Variants in GCSAML observed in about 807,000 individuals in gnomAD.
The protein encoded by GCSAML is germinal center-associated signaling and motility-like protein.
Under a neutral mutation model 13.0 loss-of-function variants are expected in GCSAML, and 9 were observed. That is an observed-to-expected ratio of 0.69 (90% CI 0.42 to 1.21). The LOEUF (loss-of-function observed/expected upper bound fraction) is 1.21. GCSAML is among the 50% of genes most tolerant of loss of function. The pLI is 0.00. For missense variants in GCSAML, 143 were observed against 153.4 expected, an observed-to-expected ratio of 0.93 and a Z score of 0.36; for synonymous variants, 37 against 52.9, an observed-to-expected ratio of 0.70 and a Z score of 1.31.
intron 1 of GCSAML, among the ~76,000 whole-genome samples, chr1:247,550,192 A>C (rs1408141389): frequency 6.6e-6 from 1 of 152,218 alleles, no homozygotes; most frequent in East Asian, 1.9e-4. Flanking sequence ...ACCTACAGTC[A>C]AACAAAGTAG....
At chr1:247,568,064 C>G (rs1328581770) in intron 4 of GCSAML, among the ~76,000 whole-genome samples, 2 of 151,932 alleles carry the variant, frequency 1.3e-5, no homozygotes, top group East Asian at 3.9e-4. Context: ...TTTGTAGATT[C>G]TGGATATTAG....
At chr1:247,573,847 T>C (rs1245611167) in intron 4 of GCSAML, among the ~76,000 whole-genome samples, 1 of 152,240 alleles carries the variant, frequency 6.6e-6, no homozygotes, top group Non-Finnish European at 1.5e-5. Flanking sequence ...CATTTGTTTG[T>C]TTCCTCTCTT....
intron 1 of GCSAML, among the ~76,000 whole-genome samples, chr1:247,512,830 C>T (rs1666086841): frequency 6.6e-6 from 1 of 152,152 alleles, no homozygotes; most frequent in Non-Finnish European, 1.5e-5. Context: ...GCCTGGTTAT[C>T]ACCAGCAGAG....
intron 2 of GCSAML, chr1:247,538,652 CTCTT>C (rs765290074): frequency 4.6e-6 from 2 of 435,494 alleles, no homozygotes; most frequent in South Asian, 3.3e-5. Flanking sequence ...CTACCCCAGT[CTCTT>C]TCTTTCCACA....
Position 247,567,350 on chromosome 1 carries a change from C to T in GCSAML, c.168+1391C>T, listed in dbSNP as rs535380392. Among the ~76,000 whole-genome samples, 73 of 151,988 alleles carry T rather than the reference C, an allele frequency of 4.8e-4. 1 individual carries two copies. The highest frequency in any genetic ancestry group is 1.9e-3 in the Admixed American group (29 of 15,260). On this transcript the variant is annotated intron_variant, in intron 4 of 4. Coordinates refer to ENST00000366488, the MANE Select transcript of GCSAML (RefSeq NM_145278.5). ...CTTGCCCCCCACACCCCAACAGGCC[C>T]GGGTGTGTGATGTTCCCCTCCCTGT...
At chr1:247,525,254 T>C (rs1209446484) in intron 1 of GCSAML, 1 of 152,210 alleles carries the variant, frequency 6.6e-6, no homozygotes, top group Non-Finnish European at 1.5e-5. Flanking sequence ...ATCAATCCTA[T>C]GGCAGACACC....
chr1:247,540,600 G>A (rs541233288), intron 2 of GCSAML, among the ~76,000 whole-genome samples: 16 of 152,328 alleles, frequency 1.1e-4, no homozygotes, highest in African/African-American at 3.9e-4. Flanking sequence ...TTCCGAGCAT[G>A]GGCACGAAGA....
chr1:247,573,816 C>T (rs576990286), intron 4 of GCSAML, among the ~76,000 whole-genome samples: 1 of 152,262 alleles, frequency 6.6e-6, no homozygotes, highest in South Asian at 2.1e-4. Flanking sequence ...TCTTCCTATC[C>T]TTGAACATGG....
At chr1:247,529,854 T>A (rs564265345) in intron 2 of GCSAML, 2 of 151,788 alleles carry the variant, frequency 1.3e-5, no homozygotes, top group South Asian at 4.2e-4. Flanking sequence ...AAGACTGACC[T>A]GCTTCCAAAA....
At chr1:247,531,432 C>T in intron 2 of GCSAML, 3 of 995,470 alleles carry the variant, frequency 3.0e-6, no homozygotes, top group South Asian at 1.6e-5. Context: ...TTCAGATTTC[C>T]ATCTACCTTG....
chr1:247,513,443 T>C (rs1434975556), intron 1 of GCSAML, among the ~76,000 whole-genome samples: 1 of 152,156 alleles, frequency 6.6e-6, no homozygotes, highest in Non-Finnish European at 1.5e-5. Context: ...GCTTGCTGGG[T>C]TCCATGGGAG....
chr1:247,516,849 A>C (rs1247787893), intron 1 of GCSAML, among the ~76,000 whole-genome samples: 1 of 151,574 alleles, frequency 6.6e-6, no homozygotes, highest in African/African-American at 2.4e-5. Context: ...TACAGAAAAT[A>C]CTTTTTTTTC....
At chr1:247,554,876 A>G (rs1474788306) in intron 1 of GCSAML, among the ~76,000 whole-genome samples, 1 of 152,184 alleles carries the variant, frequency 6.6e-6, no homozygotes, top group Non-Finnish European at 1.5e-5. Context: ...AAGAAAAAAC[A>G]CAGAAGGTAT....
intron 1 of GCSAML, among the ~76,000 whole-genome samples, chr1:247,521,336 C>CA (rs1293411711): frequency 4.1e-5 from 6 of 147,598 alleles, no homozygotes; most frequent in Non-Finnish European, 7.4e-5. Flanking sequence ...TCTCCCTCTC[C>CA]CTCTCCACGG....
intron 1 of GCSAML, among the ~76,000 whole-genome samples, chr1:247,517,006 G>C (rs1014560023): frequency 1.3e-5 from 2 of 152,172 alleles, no homozygotes; most frequent in African/African-American, 4.8e-5. Context: ...TCTCTACAAT[G>C]ATCCTGATTA....
chr1:247,565,905 T>TTTC, intron 3 of GCSAML, 26 bp from the exon 4 acceptor site: 1 of 161,894 alleles, frequency 6.2e-6, no homozygotes, highest in Non-Finnish European at 1.2e-5. Context: ...CCTTTCTTTC[T>TTTC]TTTTTTTTTT....
Position 247,574,165 on chromosome 1 carries a change from C to T in GCSAML, c.191C>T (p.Ser64Phe), listed in dbSNP as rs1346423532. 2 of 1,613,912 alleles carry T rather than the reference C, an allele frequency of 1.2e-6. No homozygotes were observed. The highest frequency in any genetic ancestry group is 4.5e-5 in the East Asian group (2 of 44,888). ...CAGGAAAACGAGAATGGCAGTGGTT[C>T]TGAAGAAGTGTGCTACACTGTCATT... The part of the protein sequence containing the change: ...SNQENENGSG[S>F]EEVCYTVINH... Residue 64 changes from serine (S) to phenylalanine (F), a missense_variant, in exon 5 of 5, where the codon TCT (serine) becomes TTT (phenylalanine). Ser to Phe is a radical substitution (Grantham distance 155, BLOSUM62 -2). Transcript: ENST00000366488.
exon 1 of GCSAML, chr1:247,507,231 T>G: frequency 6.6e-6 from 1 of 152,218 alleles, no homozygotes; most frequent in Non-Finnish European, 1.5e-5. Flanking sequence ...TAGATTCAGC[T>G]GGGTGAGTAT....
chr1:247,531,456 T>C (rs1666947588), intron 2 of GCSAML: 1 of 1,293,474 alleles, frequency 7.7e-7, no homozygotes, highest in Non-Finnish European at 1.1e-6. Flanking sequence ...TCAAACAATA[T>C]TAGAAGAAAA....
Sources: gnomAD v4.1 joint callset for allele counts (sites outside exome capture counted in the v4.1 genomes callset) on GRCh38, gnomAD v4.1.1 for gene constraint, MANE v1.5 for transcripts, NCBI Gene and HGNC (gene_info 2026-07-23, HGNC 2026-07-21) for gene names.